AK9: variants seen among roughly 807,000 people sequenced by gnomAD.
AK9 encodes adenylate kinase 9, also known as adenylate kinase domain containing 1.
AK9 carries 191 observed loss-of-function variants against 239.6 expected under a neutral mutation model. The ratio of observed to expected loss-of-function variants is 0.80; its 90% CI spans 0.71 to 0.90. AK9 has a LOEUF of 0.90. Among genes scored for constraint, AK9 ranks in the 40% least tolerant of loss-of-function variants. The pLI is 0.00. For missense variants in AK9, 1,995 were observed against 2,214.7 expected (o/e 0.90, Z 1.99); for synonymous variants, 689 against 721.0 (o/e 0.96, Z 0.71).
chr6:109,559,750 T>A (rs1301453430), intron 24 of AK9, among the ~76,000 whole-genome samples: 1 of 152,236 alleles, frequency 6.6e-6, no homozygotes, highest in East Asian at 1.9e-4. Context: ...TCTACATAGA[T>A]GTATTAATTT....
Position 109,549,972 on chromosome 6 carries a change from T to C in AK9, c.2964+118A>G, listed in dbSNP as rs559786782. 9.6e-6 allele frequency: 11 copies of C among 1,145,356 alleles called. No homozygotes were observed. In the South Asian group the frequency reaches 1.7e-4, roughly 18 times the overall value. The allele number at this position is 1,145,356 out of a possible 1,614,324, so 70.9% of individuals were successfully genotyped here. On this transcript the variant is annotated intron_variant, in intron 25 of 40. Transcript: ENST00000424296. The stretch of plus-strand genomic sequence containing the variant: ...AGCCACCGCGCCCGGCCTAGATATT[T>C]TCTTTATATTGTAATATCAGATTGG...
chr6:109,671,296 C>A (rs1372544528), intron 5 of AK9, among the ~76,000 whole-genome samples: 1 of 152,070 alleles, frequency 6.6e-6, no homozygotes, highest in East Asian at 1.9e-4. Flanking sequence ...GATTTTATCC[C>A]AAACTTGTCA....
Position 109,497,535 on chromosome 6 carries a change from T to G in AK9, c.5245A>C (p.Asn1749His). The G allele has an allele frequency of 6.2e-7, 1 of 1,608,808 alleles. No individual in the cohort carries two copies. Among genetic ancestry groups the G allele is most frequent in the Non-Finnish European group, 8.5e-7 (1 of 1,175,528 alleles). ...CGATTATGATATTCTAAAGCATAGT[T>G]AATGCTACCAGGTACTAGAGCTTCA... ...RYEALVPGSI[N>H]YALEYHNRIY... The change falls in exon 38 of 41, where the codon AAC (asparagine) becomes CAC (histidine). Residue 1749 changes from asparagine to histidine, a missense_variant. This residue lies in a region of AK9 where 391 missense variants were observed against 456.0 expected (regional missense o/e 0.86). Transcript: ENST00000424296.
At chr6:109,681,689 A>G (rs1192526709) in intron 1 of AK9, among the ~76,000 whole-genome samples, 2 of 152,212 alleles carry the variant, frequency 1.3e-5, no homozygotes, top group African/African-American at 4.8e-5. Flanking sequence ...TGACCACATA[A>G]TTGGAAGTAA....
chr6:109,594,539 G>A (rs531497294), intron 17 of AK9, among the ~76,000 whole-genome samples: 11 of 152,262 alleles, frequency 7.2e-5, no homozygotes, highest in Middle Eastern at 6.8e-3. Context: ...CCAAAAAAGA[G>A]CTCATATAGC....
chr6:109,576,182 G>A (rs1054950583), intron 20 of AK9, among the ~76,000 whole-genome samples: 3 of 151,810 alleles, frequency 2.0e-5, no homozygotes, highest in African/African-American at 7.3e-5. Context: ...TTGAATTTTA[G>A]GATTTTTTTT....
At chr6:109,674,911 T>TTA (rs1469064167) in intron 2 of AK9, among the ~76,000 whole-genome samples, 1 of 152,204 alleles carries the variant, frequency 6.6e-6, no homozygotes, top group East Asian at 1.9e-4. Flanking sequence ...GAGAGGCTCT[T>TTA]TAATCAACCA....
At position 109,575,001 on chromosome 6, in the gene AK9, C is replaced by T. The variant is rs1244403602; in HGVS notation, c.2192-1407G>A. On this transcript the variant is annotated intron_variant, in intron 20 of 40. Transcript: ENST00000424296. ...GAGTTACCTCACTTAGAATAATGGTCTCCAACTCCATCCAGGTTGCTGCAA... is the reference window on the plus strand; with the variant it reads ...GAGTTACCTCACTTAGAATAATGGTTTCCAACTCCATCCAGGTTGCTGCAA... Among the ~76,000 whole-genome samples the T allele has an allele frequency of 2.0e-5, 3 of 152,166 alleles. No homozygotes were observed. The East Asian group carries it at 5.8e-4, about 29-fold the overall frequency.
intron 12 of AK9, among the ~76,000 whole-genome samples, chr6:109,619,874 T>G (rs900672003): frequency 3.3e-5 from 5 of 152,140 alleles, no homozygotes; most frequent in African/African-American, 4.8e-5. Context: ...AGCTATAAAT[T>G]AGTTTAGTGT....
rs116873261 is a variant in AK9, at chr6:109,555,864, A to G, written c.2752-5562T>C. 9.2e-5 allele frequency among the ~76,000 whole-genome samples: 14 copies of G among 151,596 alleles called. No homozygotes were observed. In the East Asian group the frequency reaches 2.7e-3, roughly 29 times the overall value. On this transcript the variant is annotated intron_variant, in intron 24 of 40. Transcript: ENST00000424296. The stretch of plus-strand genomic sequence containing the variant: ...TTTTGGCTTTCCATTTATTTGGTAA[A>G]TTTTCTTCCATCCCTTTATTTTGAG...
At chr6:109,527,013 G>A (rs185819306) in intron 29 of AK9, among the ~76,000 whole-genome samples, 4 of 152,232 alleles carry the variant, frequency 2.6e-5, no homozygotes, top group Admixed American at 1.3e-4. Context: ...GGCGTAGTCT[G>A]ACACTGTGCT....
chr6:109,638,362 G>C (rs1796972719), intron 10 of AK9, among the ~76,000 whole-genome samples: 1 of 152,132 alleles, frequency 6.6e-6, no homozygotes, highest in Admixed American at 6.5e-5. Flanking sequence ...ACATATCCCA[G>C]TTATGTTGAC....
At chr6:109,594,122 G>A (rs1235153428) in intron 17 of AK9, among the ~76,000 whole-genome samples, 3 of 152,120 alleles carry the variant, frequency 2.0e-5, no homozygotes, top group Non-Finnish European at 1.5e-5. Context: ...GACCCCCATC[G>A]TCTCAGCCCA....
intron 27 of AK9, among the ~76,000 whole-genome samples, chr6:109,537,732 G>A (rs1410543911): frequency 2.0e-5 from 3 of 151,924 alleles, no homozygotes; most frequent in Non-Finnish European, 4.4e-5. Flanking sequence ...GCTTTCTCTT[G>A]TGGGCATTTA....
chr6:109,650,660 A>G (rs1189296470), intron 8 of AK9, among the ~76,000 whole-genome samples: 5 of 152,284 alleles, frequency 3.3e-5, no homozygotes, highest in Admixed American at 3.3e-4. Flanking sequence ...AACCATTGTG[A>G]AAGTCAGTGT....
Position 109,662,550 on chromosome 6 carries a change from C to A in AK9, c.444+1G>T, listed in dbSNP as rs758537934. On this transcript the variant is annotated splice_donor_variant, in intron 6 of 40. Transcript: ENST00000424296. LOFTEE classifies it high-confidence loss of function. ...ACTAGCAAAACAATTAATATCCTTA[C>A]CTTTATATTGATTATAACATCAGGT... 10 of 1,523,104 alleles carry A rather than the reference C, an allele frequency of 6.6e-6. No individual in the cohort carries two copies. The highest frequency in any genetic ancestry group is 1.3e-5 in the South Asian group (1 of 76,028). The allele number at this position is 1,523,104 out of a possible 1,614,324, so 94.3% of individuals were successfully genotyped here.
intron 1 of AK9, among the ~76,000 whole-genome samples, chr6:109,684,404 TAATTA>T (rs1773142107): frequency 6.6e-6 from 1 of 152,182 alleles, no homozygotes; most frequent in African/African-American, 2.4e-5. Flanking sequence ...AAATGGGATC[TAATTA>T]AATTAAAGAG....
chr6:109,619,649 T>C (rs1583283389), intron 12 of AK9, among the ~76,000 whole-genome samples: 1 of 152,020 alleles, frequency 6.6e-6, no homozygotes, highest in South Asian at 2.1e-4. Flanking sequence ...ACAATCAAGA[T>C]ATAGAACATT....
At position 109,633,174 on chromosome 6, in the gene AK9, T is replaced by C; in HGVS notation, c.1073+10A>G. ...AAGATTTAAAATTAAGTTCTGAAAA[T>C]CTTACTTACCTCACAGAATAATCTG... On this transcript the variant is annotated intron_variant, in intron 11 of 40. Transcript: ENST00000424296. 1 of 1,578,420 alleles carries C rather than the reference T, an allele frequency of 6.3e-7. No individual in the cohort carries two copies. Among genetic ancestry groups the C allele is most frequent in the African/African-American group, 1.4e-5 (1 of 72,820 alleles).
Sources: allele counts gnomAD v4.1 joint callset (sites outside exome capture counted in the v4.1 genomes callset), GRCh38; gene constraint gnomAD v4.1.1; regional missense constraint gnomAD v4.1.1; transcripts MANE v1.5; gene names NCBI Gene and HGNC (gene_info 2026-07-23, HGNC 2026-07-21).